The following ST3GAL6 variants were observed in gnomAD, a reference collection of about 807,000 sequenced individuals.
ST3GAL6 encodes type 2 lactosamine alpha-2,3-sialyltransferase.
ST3GAL6 carries 31 observed loss-of-function variants against 40.5 expected under a neutral mutation model. The observed-to-expected ratio is 0.77, with a 90% confidence interval of 0.58 to 1.03. The LOEUF is 1.03. Among genes scored for constraint, ST3GAL6 ranks in the 50% least tolerant of loss-of-function variants. The pLI is 0.00. For missense variants in ST3GAL6, 357 were observed against 393.2 expected (o/e 0.91, Z 0.78); for synonymous variants, 129 against 136.9 (o/e 0.94, Z 0.40).
rs774369138 is a variant in ST3GAL6 at position 98,773,921 on chromosome 3, G to A, written c.273G>A (p.Ala91=). The change falls in exon 5 of 10, where the codon GCG becomes GCA. Residue 91 remains alanine, a splice_region_variant and synonymous_variant. Transcript: ENST00000483910. ...FDLPYGMRTS[A]EYFRLALSKL... is the part of the protein sequence containing the mutation. Reference sequence around the variant, plus strand: ...CATAACACTCCATTTGTTTTCTAGCGGAATATTTTCGACTTGCTCTTTCAA... The same window carrying A: ...CATAACACTCCATTTGTTTTCTAGCAGAATATTTTCGACTTGCTCTTTCAA... 1.9e-5 allele frequency: 30 copies of A among 1,612,164 alleles called. No homozygotes were observed. Among genetic ancestry groups the A allele is most frequent in the Middle Eastern group, 3.3e-4 (2 of 6,078 alleles).
At chr3:98,787,346 G>T (rs1940823413) in intron 6 of ST3GAL6, among the ~76,000 whole-genome samples, 1 of 152,142 alleles carries the variant, frequency 6.6e-6, no homozygotes, top group Non-Finnish European at 1.5e-5. Flanking sequence ...GGGCAAAACA[G>T]TATTTATCTC....
Position 98,793,902 on chromosome 3 carries a change from T to A in ST3GAL6, c.*141T>A. 1 of 447,204 alleles carries A rather than the reference T, an allele frequency of 2.2e-6. No homozygotes were observed. The allele number at this position is 447,204 out of a possible 1,614,324, so 27.7% of individuals were successfully genotyped here. On this transcript the variant is annotated 3_prime_UTR_variant, in exon 10 of 10. Coordinates refer to ENST00000483910, the MANE Select transcript of ST3GAL6 (RefSeq NM_001323368.2). ...GCCTGGTGATTCATAACCACCAGCT[T>A]AATTTCTGTGAATACTGTATATTTA...
At chr3:98,736,275 C>T (rs148233948) in intron 1 of ST3GAL6, among the ~76,000 whole-genome samples, 1 of 152,170 alleles carries the variant, frequency 6.6e-6, no homozygotes, top group South Asian at 2.1e-4. Context: ...CTCTCTTTCC[C>T]CTTCTTATAT....
chr3:98,794,911 A>AAAG lies in ST3GAL6; in HGVS notation c.*1151_*1153dup, dbSNP rs1941488162. ...TGAGGCTGTCTTCTAAAAAATATAA[A>AAAG]AAGTGAAGTTGGGATTTTTGGATTT... On this transcript the variant is annotated 3_prime_UTR_variant, in exon 10 of 10. Transcript: ENST00000483910. 1 of 152,124 alleles carries AAAG rather than the reference A, an allele frequency of 6.6e-6. No homozygotes were observed. Among genetic ancestry groups the AAAG allele is most frequent in the South Asian group, 2.1e-4 (1 of 4,822 alleles). 9.4% of individuals were successfully genotyped at this position (152,124 alleles called of 1,614,324 possible). A position where few individuals can be genotyped will look rare whatever the true frequency, so the allele number is the denominator to read the frequency against.
intron 2 of ST3GAL6, among the ~76,000 whole-genome samples, chr3:98,769,773 T>C (rs1938771100): frequency 6.6e-6 from 1 of 151,962 alleles, no homozygotes; most frequent in Non-Finnish European, 1.5e-5. Flanking sequence ...TGTTTTTCTT[T>C]TAAAAAGTCA....
At position 98,768,453 on chromosome 3, in the gene ST3GAL6, C is replaced by G. The variant is rs1175112378; in HGVS notation, c.13C>G (p.Leu5Val). MRGY[L>V]VAIFLSAVFL... ...AGGTGAGCCAGCCATGAGAGGGTAT[C>G]TTGTGGCCATATTCCTGAGTGCTGT... Residue 5 changes from leucine (L) to valine (V), a missense_variant, in exon 2 of 10, where the codon CTT becomes GTT. Leu to Val is a conservative substitution (Grantham distance 32, BLOSUM62 1). Coordinates refer to ENST00000483910, the MANE Select transcript of ST3GAL6 (RefSeq NM_001323368.2). 10 of 1,613,808 alleles carry G rather than the reference C, an allele frequency of 6.2e-6. No homozygotes were observed. The highest frequency in any genetic ancestry group is 8.5e-6 in the Non-Finnish European group (10 of 1,179,780).
chr3:98,744,688 T>C (rs923030561), intron 1 of ST3GAL6, among the ~76,000 whole-genome samples: 2 of 152,130 alleles, frequency 1.3e-5, no homozygotes, highest in African/African-American at 4.8e-5. Flanking sequence ...CTAGACCAGA[T>C]TGGGGCCACA....
intron 1 of ST3GAL6, among the ~76,000 whole-genome samples, chr3:98,742,773 A>G (rs1299582290): frequency 6.8e-6 from 1 of 146,114 alleles, no homozygotes; most frequent in Non-Finnish European, 1.5e-5. Context: ...ATCTTGGCTT[A>G]CAGCAACCTC....
At chr3:98,749,477 A>T (rs1936821073) in intron 1 of ST3GAL6, among the ~76,000 whole-genome samples, 2 of 152,156 alleles carry the variant, frequency 1.3e-5, no homozygotes. Flanking sequence ...TTCACCCTTA[A>T]GCTAACTCAT....
intron 1 of ST3GAL6, among the ~76,000 whole-genome samples, chr3:98,744,562 T>G (rs1447491775): frequency 6.6e-6 from 1 of 152,204 alleles, no homozygotes; most frequent in Non-Finnish European, 1.5e-5. Context: ...ACTCTGCTCT[T>G]TACTACACTT....
chr3:98,752,211 G>A (rs767872322), intron 1 of ST3GAL6, among the ~76,000 whole-genome samples: 1 of 152,086 alleles, frequency 6.6e-6, no homozygotes, highest in African/African-American at 2.4e-5. Flanking sequence ...AGCAGTTAGA[G>A]CCAGTTACGG....
At chr3:98,792,512 ATT>A (rs35917234) in intron 9 of ST3GAL6, among the ~76,000 whole-genome samples, 5 of 138,708 alleles carry the variant, frequency 3.6e-5, no homozygotes, top group South Asian at 2.3e-4. Context: ...TTTAGTTTAA[ATT>A]TTTTTTTTTT....
intron 6 of ST3GAL6, among the ~76,000 whole-genome samples, chr3:98,787,705 T>C (rs1283864260): frequency 2.0e-5 from 3 of 152,244 alleles, no homozygotes; most frequent in African/African-American, 7.2e-5. Context: ...GTCCTCCAAG[T>C]TCTCTTTCAA....
chr3:98,756,407 G>C lies in ST3GAL6; in HGVS notation c.-11-12023G>C, dbSNP rs528237802. The C allele has an allele frequency of 3.5e-3, 4,569 of 1,289,438 alleles. 17 individuals carry two copies. The highest frequency in any genetic ancestry group is 4.3e-3 in the Non-Finnish European group (4,263 of 988,574). 79.9% of individuals were successfully genotyped at this position (1,289,438 alleles called of 1,614,324 possible). A position where few individuals can be genotyped will look rare whatever the true frequency, so the allele number is the denominator to read the frequency against. On this transcript the variant is annotated intron_variant, in intron 1 of 9. Coordinates refer to the ST3GAL6 transcript ENST00000265261. Reference sequence around the variant, plus strand: ...GGAAGCAGCACAACCCTGGGTTTTAGATAATTTCTAACAGAGAGGCCCCAG... The same window carrying C: ...GGAAGCAGCACAACCCTGGGTTTTACATAATTTCTAACAGAGAGGCCCCAG...
Position 98,794,033 on chromosome 3 carries a change from G to A in ST3GAL6, c.*272G>A, listed in dbSNP as rs1941417824. On this transcript the variant is annotated 3_prime_UTR_variant, in exon 10 of 10. Coordinates refer to ENST00000483910, the MANE Select transcript of ST3GAL6 (RefSeq NM_001323368.2). ...AGGTGTTTTCACACGTCTTTTTATAGTTACTTCATCTTAGATTTTTGAAGG... is the reference window on the plus strand; with the variant it reads ...AGGTGTTTTCACACGTCTTTTTATAATTACTTCATCTTAGATTTTTGAAGG... The A allele has an allele frequency of 1.7e-5, 4 of 229,920 alleles. No individual in the cohort carries two copies. The South Asian group carries it at 5.2e-4, about 30-fold the overall frequency. 14.2% of individuals were successfully genotyped at this position (229,920 alleles called of 1,614,324 possible). A position where few individuals can be genotyped will look rare whatever the true frequency, so the allele number is the denominator to read the frequency against.
chr3:98,770,770 T>C (rs777604631), intron 2 of ST3GAL6, 109 bp from the exon 3 acceptor site: 17 of 905,696 alleles, frequency 1.9e-5, no homozygotes, highest in Non-Finnish European at 2.7e-5. Flanking sequence ...TTTTGTTTGC[T>C]GCCACAGAAC....
Position 98,795,095 on chromosome 3 carries a change from A to AAAT in ST3GAL6, c.*1335_*1337dup, listed in dbSNP as rs1289820150. The AAAT allele has an allele frequency of 6.6e-6, 1 of 152,232 alleles. No homozygotes were observed. Among genetic ancestry groups the AAAT allele is most frequent in the Non-Finnish European group, 1.5e-5 (1 of 68,052 alleles). The allele number at this position is 152,232 out of a possible 1,614,324, so 9.4% of individuals were successfully genotyped here. ...CTAGTCTTCCTTCCTATATTTTAAT[A>AAAT]AATGTAACCAAAGGCCATCTGGAGG... On this transcript the variant is annotated 3_prime_UTR_variant, in exon 10 of 10. Transcript: ENST00000483910.
Position 98,794,342 on chromosome 3 carries a change from T to TAA in ST3GAL6, c.*583_*584dup, listed in dbSNP as rs1241257640. The TAA allele has an allele frequency of 6.6e-6, 1 of 152,138 alleles. No individual in the cohort carries two copies. Among genetic ancestry groups the TAA allele is most frequent in the Admixed American group, 6.5e-5 (1 of 15,274 alleles). The allele number at this position is 152,138 out of a possible 1,614,324, so 9.4% of individuals were successfully genotyped here. On this transcript the variant is annotated 3_prime_UTR_variant, in exon 10 of 10. Coordinates refer to ENST00000483910, the MANE Select transcript of ST3GAL6 (RefSeq NM_001323368.2). ...TAAGTTAAAGGAAATGGGCTAAACA[T>TAA]AAAGTTCTTATTAGATAAGTAAATA...
chr3:98,785,143 TG>T, intron 6 of ST3GAL6, 103 bp downstream of exon 6: 1 of 799,692 alleles, frequency 1.3e-6, no homozygotes, highest in Non-Finnish European at 2.0e-6. Flanking sequence ...TGTTTCCATT[TG>T]GTTTTTTTTT....
Sources: gnomAD v4.1 joint callset for allele counts (sites outside exome capture counted in the v4.1 genomes callset) on GRCh38, gnomAD v4.1.1 for gene constraint, MANE v1.5 for transcripts, NCBI Gene and HGNC (gene_info 2026-07-23, HGNC 2026-07-21) for gene names.